The following HIVEP2 variants were observed in gnomAD, a reference collection of about 807,000 sequenced individuals.
HIVEP2 encodes HIVEP zinc finger 2, also known as transcription factor HIVEP2.
In HIVEP2, 14 loss-of-function variants were observed where a neutral mutation model predicts 180.7. The observed-to-expected ratio is 0.08, with a 90% CI of 0.05 to 0.12. HIVEP2 has a LOEUF of 0.12. HIVEP2 is among the 10% of genes least tolerant of loss of function. HIVEP2 has a pLI of 1.00. For synonymous variants in HIVEP2, 1,184 were observed against 1,136.4 expected (o/e 1.04, Z -0.84); for missense variants, 2,579 against 3,008.5 (o/e 0.86, Z 3.34).
chr6:142,808,073 C>G (rs1350321969), intron 2 of HIVEP2, among the ~76,000 whole-genome samples: 1 of 152,176 alleles, frequency 6.6e-6, no homozygotes, highest in African/African-American at 2.4e-5. Context: ...GTCCATCCAG[C>G]CTAATCTTCC....
At chr6:142,769,502 CA>C (rs1424146032) in intron 5 of HIVEP2, 49 bp downstream of exon 5, 6 of 1,495,276 alleles carry the variant, frequency 4.0e-6, no homozygotes, top group Non-Finnish European at 5.5e-6. Flanking sequence ...GTAGTCTGCT[CA>C]GCAATCAAAT....
At chr6:142,755,505 C>A (rs984215477) in intron 9 of HIVEP2, among the ~76,000 whole-genome samples, 1 of 152,054 alleles carries the variant, frequency 6.6e-6, no homozygotes, top group South Asian at 2.1e-4. Context: ...AAAATAAAAC[C>A]GAGCTTGGTT....
At chr6:142,787,003 T>C (rs1381423572) in intron 2 of HIVEP2, among the ~76,000 whole-genome samples, 1 of 152,174 alleles carries the variant, frequency 6.6e-6, no homozygotes, top group Non-Finnish European at 1.5e-5. Flanking sequence ...CTGGATGTAG[T>C]GGCTCACACC....
At chr6:142,778,298 A>G (rs1257295451) in intron 3 of HIVEP2, among the ~76,000 whole-genome samples, 1 of 152,196 alleles carries the variant, frequency 6.6e-6, no homozygotes, top group African/African-American at 2.4e-5. Context: ...GAACCATGCT[A>G]ACAAGAAGAA....
rs1263512101 is a variant in HIVEP2 at position 142,752,948 on chromosome 6, T to C, written c.*159A>G. On this transcript the variant is annotated 3_prime_UTR_variant, in exon 10 of 10. Coordinates refer to ENST00000367603, the MANE Select transcript of HIVEP2 (RefSeq NM_006734.4). ...TTTTGGTCAGGCTCATGATGACTTGTTAATTTACCTAATTCTTTTGATATA... is the reference window on the plus strand; with the variant it reads ...TTTTGGTCAGGCTCATGATGACTTGCTAATTTACCTAATTCTTTTGATATA... 15 of 599,278 alleles carry C rather than the reference T, an allele frequency of 2.5e-5. No individual in the cohort carries two copies. The East Asian group carries it at 4.1e-4, about 17-fold the overall frequency. The allele number at this position is 599,278 out of a possible 1,614,324, so 37.1% of individuals were successfully genotyped here.
chr6:142,945,356 G>C (rs903450510), upstream of HIVEP2, among the ~76,000 whole-genome samples: 3 of 152,182 alleles, frequency 2.0e-5, no homozygotes, highest in South Asian at 6.2e-4. This position sits in a 1 kb window ranked among gnomAD's most constrained non-coding sequence, Gnocchi z 5.5. Flanking sequence ...CCTCACCCTC[G>C]GGCCACCGGG....
chr6:142,771,829 T>C lies in HIVEP2; in HGVS notation c.2910A>G (p.Glu970=). 1 of 1,614,212 alleles carries C rather than the reference T, an allele frequency of 6.2e-7. No individual in the cohort carries two copies. Among genetic ancestry groups the C allele is most frequent in the Non-Finnish European group, 8.5e-7 (1 of 1,180,042 alleles). Residue 970 remains glutamate (E), a synonymous_variant, in exon 5 of 10, where the codon GAA becomes GAG. Transcript: ENST00000367603. This position sits in a 1 kb window ranked among gnomAD's most constrained non-coding sequence, Gnocchi z 5.4. ...AACTGGAGCTGTGGGACAAGTTGCT[T>C]TCTTGGCTGGGGCTGCGGGAGAGGC... is the stretch of plus-strand genomic sequence containing the variant. The part of the protein sequence containing the change: ...GTGLSRSPSQ[E]SNLSHSSSFS...
intron 2 of HIVEP2, among the ~76,000 whole-genome samples, chr6:142,786,392 G>T (rs1005441865): frequency 6.6e-6 from 1 of 152,060 alleles, no homozygotes; most frequent in Non-Finnish European, 1.5e-5. Context: ...AAAATCCAAA[G>T]GTCATTTAAA....
chr6:142,822,257 G>A (rs370829400), intron 2 of HIVEP2, among the ~76,000 whole-genome samples: 9 of 152,320 alleles, frequency 5.9e-5, no homozygotes, highest in African/African-American at 2.2e-4. Context: ...ATTCTTAGCA[G>A]AATGTTTTAA....
At chr6:142,817,947 A>G (rs529811230) in intron 2 of HIVEP2, among the ~76,000 whole-genome samples, 1 of 151,848 alleles carries the variant, frequency 6.6e-6, no homozygotes, top group Non-Finnish European at 1.5e-5. Context: ...CGGAGGTTGC[A>G]GTGAGCCAAG....
At chr6:142,765,799 T>C (rs1235654831) in intron 6 of HIVEP2, among the ~76,000 whole-genome samples, 4 of 152,240 alleles carry the variant, frequency 2.6e-5, no homozygotes, top group Non-Finnish European at 5.9e-5. Context: ...GGAAGAAATC[T>C]ACCCAATGCT....
At chr6:142,808,821 T>C (rs142728403) in intron 2 of HIVEP2, among the ~76,000 whole-genome samples, 5 of 152,024 alleles carry the variant, frequency 3.3e-5, no homozygotes, top group East Asian at 1.9e-4. Flanking sequence ...AAGGGATAAA[T>C]GGATGGATGG....
chr6:142,809,115 T>A (rs2114786975), intron 2 of HIVEP2, among the ~76,000 whole-genome samples: 1 of 152,116 alleles, frequency 6.6e-6, no homozygotes, highest in South Asian at 2.1e-4. Flanking sequence ...AAAACATGCA[T>A]AATGGAAAGC....
At chr6:142,941,063 A>C (rs1320672435) in intron 1 of HIVEP2, among the ~76,000 whole-genome samples, 1 of 152,226 alleles carries the variant, frequency 6.6e-6, no homozygotes, top group Admixed American at 6.5e-5. Context: ...AAAATACCTC[A>C]AATGATGAGT....
intron 1 of HIVEP2, among the ~76,000 whole-genome samples, chr6:142,867,345 C>T (rs542973730): frequency 1.2e-4 from 19 of 152,216 alleles, no homozygotes; most frequent in Non-Finnish European, 2.4e-4. Flanking sequence ...CATATATATA[C>T]TCAACCAGAT....
chr6:142,859,125 T>C (rs1775903568), intron 1 of HIVEP2, among the ~76,000 whole-genome samples: 1 of 152,134 alleles, frequency 6.6e-6, no homozygotes, highest in African/African-American at 2.4e-5. Flanking sequence ...AGAAACACAT[T>C]CTGTCTCTAT....
chr6:142,868,083 G>A (rs1412213960), intron 1 of HIVEP2, among the ~76,000 whole-genome samples: 1 of 152,090 alleles, frequency 6.6e-6, no homozygotes, highest in African/African-American at 2.4e-5. Context: ...TTGCAAGTCA[G>A]CTGTGTCAGT....
At chr6:142,896,973 G>T (rs1777014341) in intron 1 of HIVEP2, among the ~76,000 whole-genome samples, 1 of 152,062 alleles carries the variant, frequency 6.6e-6, no homozygotes, top group Non-Finnish European at 1.5e-5. Flanking sequence ...TGACTATATT[G>T]TTCTCTTCTC....
chr6:142,890,991 G>A (rs1361449932), intron 1 of HIVEP2, among the ~76,000 whole-genome samples: 1 of 152,136 alleles, frequency 6.6e-6, no homozygotes, highest in Non-Finnish European at 1.5e-5. Context: ...GCTGAAATAT[G>A]CTTTTGTATA....
Sources: gnomAD v4.1 joint callset for allele counts (sites outside exome capture counted in the v4.1 genomes callset) on GRCh38, gnomAD v4.1.1 for gene constraint, Gnocchi (gnomAD v3.1) non-coding constraint, MANE v1.5 for transcripts, NCBI Gene and HGNC (gene_info 2026-07-23, HGNC 2026-07-21) for gene names.